The following ALKBH8 variants were observed in gnomAD, a reference collection of about 807,000 sequenced individuals.
ALKBH8 encodes tRNA (carboxymethyluridine(34)-5-O)-methyltransferase ALKBH8.
In ALKBH8, 36 loss-of-function variants were observed where a neutral mutation model predicts 59.8. The observed-to-expected ratio is 0.60, with a 90% CI of 0.46 to 0.79. The LOEUF is 0.79. Among genes scored for constraint, ALKBH8 ranks in the 30% least tolerant of loss-of-function variants. ALKBH8 has a pLI of 0.00. For synonymous variants in ALKBH8, 276 were observed against 273.6 expected, an observed-to-expected ratio of 1.01 and a Z score of -0.09; for missense variants, 768 against 801.0, an observed-to-expected ratio of 0.96 and a Z score of 0.50.
intron 7 of ALKBH8, among the ~76,000 whole-genome samples, chr11:107,545,375 TA>T (rs1360676588): frequency 6.6e-6 from 1 of 152,050 alleles, no homozygotes; most frequent in Non-Finnish European, 1.5e-5. Context: ...AAACAATGAC[TA>T]AAAAAACCCA....
chr11:107,517,295 A>T (rs1051436652), intron 10 of ALKBH8, among the ~76,000 whole-genome samples: 2 of 152,276 alleles, frequency 1.3e-5, no homozygotes, highest in Non-Finnish European at 2.9e-5. Flanking sequence ...GGGAAAAGGG[A>T]ATCCTGGCAT....
At chr11:107,516,513 C>T (rs1378534614) in intron 10 of ALKBH8, among the ~76,000 whole-genome samples, 6 of 152,120 alleles carry the variant, frequency 3.9e-5, no homozygotes, top group Admixed American at 3.9e-4. Context: ...TAGAAGAAAA[C>T]ATACAAGAAA....
chr11:107,507,500 GA>G (rs976000335), intron 11 of ALKBH8, among the ~76,000 whole-genome samples: 2 of 151,804 alleles, frequency 1.3e-5, no homozygotes, highest in East Asian at 1.9e-4. Flanking sequence ...AAAAATGGTT[GA>G]AAAAAAGATT....
At chr11:107,547,416 A>C (rs1368536951) in intron 7 of ALKBH8, among the ~76,000 whole-genome samples, 2 of 152,194 alleles carry the variant, frequency 1.3e-5, no homozygotes, top group Non-Finnish European at 2.9e-5. Context: ...CCTGTTACAG[A>C]AGTGAAGGCT....
intron 10 of ALKBH8, among the ~76,000 whole-genome samples, chr11:107,522,047 A>C (rs546355781): frequency 6.6e-6 from 1 of 152,188 alleles, no homozygotes; most frequent in Admixed American, 6.5e-5. Flanking sequence ...TTTTATAACT[A>C]TAAGATAGTT....
intron 10 of ALKBH8, among the ~76,000 whole-genome samples, chr11:107,513,115 C>A (rs1862709328): frequency 6.6e-6 from 1 of 152,132 alleles, no homozygotes; most frequent in Non-Finnish European, 1.5e-5. Flanking sequence ...GAACAGACAA[C>A]CTACAGAATG....
intron 7 of ALKBH8, among the ~76,000 whole-genome samples, chr11:107,540,935 G>T (rs111394379): frequency 6.6e-6 from 1 of 152,038 alleles, no homozygotes; most frequent in Non-Finnish European, 1.5e-5. Context: ...TTACAAATAG[G>T]GTGGTGTATA....
rs185131705 is a variant in ALKBH8, at chr11:107,512,730, T to C, written c.1288-1694A>G. ...GTCAAACAGAAGTGGCCACCTAAAG[T>C]GTATATTTACTCATTTAATTTTTTG... On this transcript the variant is annotated intron_variant, in intron 10 of 11. Coordinates refer to ENST00000428149, the MANE Select transcript of ALKBH8 (RefSeq NM_138775.3). Among the ~76,000 whole-genome samples the C allele has an allele frequency of 1.8e-3, 274 of 152,278 alleles. 1 individual carries two copies. The highest frequency in any genetic ancestry group is 5.0e-3 in the East Asian group (26 of 5,176).
chr11:107,533,048 A>C (rs1369449268), intron 7 of ALKBH8, among the ~76,000 whole-genome samples: 1 of 152,164 alleles, frequency 6.6e-6, no homozygotes, highest in Non-Finnish European at 1.5e-5. Context: ...GACAATCAAA[A>C]AAAAAGGAAC....
intron 6 of ALKBH8, among the ~76,000 whole-genome samples, chr11:107,550,144 T>C (rs1227806107): frequency 1.3e-5 from 2 of 152,240 alleles, no homozygotes; most frequent in African/African-American, 2.4e-5. Flanking sequence ...AAGTCATTTT[T>C]ACCTTCAAAC....
At chr11:107,558,017 G>C (rs771355710) in intron 2 of ALKBH8, among the ~76,000 whole-genome samples, 6 of 152,070 alleles carry the variant, frequency 3.9e-5, no homozygotes, top group Non-Finnish European at 8.8e-5. Flanking sequence ...AAATATTTTA[G>C]GCTTGGCAGG....
Position 107,522,529 on chromosome 11 carries a change from T to C in ALKBH8, c.1057A>G (p.Arg353Gly). The C allele has an allele frequency of 6.4e-7, 1 of 1,551,598 alleles. No individual in the cohort carries two copies. Among genetic ancestry groups the C allele is most frequent in the Non-Finnish European group, 8.7e-7 (1 of 1,146,932 alleles). ...GGAAATGAGGGGGGAGTCTCTTTCC[T>C]CTGGCTATCACAGACCAACGGGTAA... ...CSYPLVCDSQ[R>G]KETPPSFPES... is the part of the protein sequence containing the mutation. The change falls in exon 10 of 12, where the codon AGG (arginine) becomes GGG (glycine). Residue 353 changes from arginine to glycine, a missense_variant. Transcript: ENST00000428149.
Position 107,565,696 on chromosome 11 carries a change from C to A in ALKBH8, c.-102G>T. 6.5e-7 allele frequency: 1 copy of A among 1,533,344 alleles called. No individual in the cohort carries two copies. Among genetic ancestry groups the A allele is most frequent in the Non-Finnish European group, 8.7e-7 (1 of 1,144,738 alleles). The allele number at this position is 1,533,344 out of a possible 1,614,324, so 95.0% of individuals were successfully genotyped here. On this transcript the variant is annotated 5_prime_UTR_variant, in exon 1 of 12. Transcript: ENST00000428149. ...ACCAGAACACCGCAGCGGATACTTG[C>A]ACGCCATCTCCCCTGGGCGCGGCCA...
At chr11:107,527,216 T>C (rs2135513179) in intron 8 of ALKBH8, among the ~76,000 whole-genome samples, 1 of 152,082 alleles carries the variant, frequency 6.6e-6, no homozygotes, top group African/African-American at 2.4e-5. Context: ...CTATGTGTGT[T>C]GCATATCTTT....
intron 10 of ALKBH8, among the ~76,000 whole-genome samples, chr11:107,515,316 G>A (rs1158314257): frequency 6.6e-6 from 1 of 152,118 alleles, no homozygotes; most frequent in African/African-American, 2.4e-5. Flanking sequence ...CTGTGTGCTG[G>A]GTGAAGATCA....
At position 107,553,101 on chromosome 11, in the gene ALKBH8, T is replaced by C; in HGVS notation, c.595+7A>G. The C allele has an allele frequency of 1.3e-6, 2 of 1,548,368 alleles. No homozygotes were observed. Among genetic ancestry groups the C allele is most frequent in the South Asian group, 2.4e-5 (2 of 84,862 alleles). On this transcript the variant is annotated splice_region_variant and intron_variant, in intron 5 of 11. Transcript: ENST00000428149. ...CCAGAATTTATTATGTATTAGCAAT[T>C]ACTTACCCCCAGATAATGGCTTATC... is the stretch of plus-strand genomic sequence containing the variant.
Position 107,525,534 on chromosome 11 carries a change from T to C in ALKBH8, c.937A>G (p.Ile313Val), listed in dbSNP as rs1299122860. ...QASESLKSGI[I>V]TSDVGDLTLS... ...GTTAAGTCTCCAACATCACTGGTGA[T>C]AATTCCACTTTTAAGACTCTCAGAT... Residue 313 changes from isoleucine (I) to valine (V), a missense_variant, in exon 9 of 12, where the codon ATC becomes GTC. Transcript: ENST00000428149. The C allele has an allele frequency of 6.5e-7, 1 of 1,532,658 alleles. No homozygotes were observed. The highest frequency in any genetic ancestry group is 8.8e-7 in the Non-Finnish European group (1 of 1,139,716). 94.9% of individuals were successfully genotyped at this position (1,532,658 alleles called of 1,614,324 possible).
In ALKBH8 at chr11:107,505,109, G is replaced by A. The variant is rs771898321; in HGVS notation, c.1544C>T (p.Ser515Phe). The change falls in exon 12 of 12, where the codon TCC (serine) becomes TTC (phenylalanine). Residue 515 changes from serine to phenylalanine, a missense_variant. Coordinates refer to ENST00000428149, the MANE Select transcript of ALKBH8 (RefSeq NM_138775.3). ...ATTTCTGTTTCCTCTAAGATACTTGGACTTCTGCTTATTATATTCTTGTTC... is the reference window on the plus strand; with the variant it reads ...ATTTCTGTTTCCTCTAAGATACTTGAACTTCTGCTTATTATATTCTTGTTC... ...AMEQEYNKQKSKYLRGNRNSQ... is the reference protein window; with the variant it reads ...AMEQEYNKQKFKYLRGNRNSQ... 6.4e-7 allele frequency: 1 copy of A among 1,551,136 alleles called. No individual in the cohort carries two copies. The highest frequency in any genetic ancestry group is 2.4e-5 in the East Asian group (1 of 40,912).
chr11:107,512,302 G>GT, intron 10 of ALKBH8, among the ~76,000 whole-genome samples: 1 of 26,724 alleles, frequency 3.7e-5, no homozygotes, highest in Non-Finnish European at 7.3e-5. Context: ...TTATTTTAAG[G>GT]GTTTTTTTTT....
Sources: gnomAD v4.1 joint callset for allele counts (sites outside exome capture counted in the v4.1 genomes callset) on GRCh38, gnomAD v4.1.1 for gene constraint, MANE v1.5 for transcripts, NCBI Gene and HGNC (gene_info 2026-07-23, HGNC 2026-07-21) for gene names.